Variants in MSRA observed in about 807,000 individuals in gnomAD.
MSRA encodes the protein methionine sulfoxide reductase A, also known as mitochondrial peptide methionine sulfoxide reductase.
In MSRA, 54 loss-of-function variants were observed where a neutral mutation model predicts 31.3. That is an observed-to-expected ratio of 1.73 (90% CI 1.39 to 2.17). MSRA has a LOEUF of 2.17. Among genes scored for constraint, MSRA ranks in the 30% most tolerant of loss-of-function variants. The probability of loss-of-function intolerance (pLI) is 0.00; values close to 1 mark genes in which losing one functional copy is unlikely to be tolerated. For synonymous variants in MSRA, 169 were observed against 116.5 expected, an observed-to-expected ratio of 1.45 and a Z score of -2.90; for missense variants, 507 against 300.9, an observed-to-expected ratio of 1.69 and a Z score of -5.07.
intron 5 of MSRA, among the ~76,000 whole-genome samples, chr8:10,425,550 G>T (rs1429067394): frequency 6.6e-6 from 1 of 152,242 alleles, no homozygotes; most frequent in Non-Finnish European, 1.5e-5. Context: ...TGCCTGGGAG[G>T]CCATCCTTGT....
chr8:10,276,289 G>A (rs893312385), intron 3 of MSRA, among the ~76,000 whole-genome samples: 3 of 152,202 alleles, frequency 2.0e-5, no homozygotes, highest in African/African-American at 4.8e-5. Flanking sequence ...GCCACCCAGC[G>A]AGAGTTGGTT....
At chr8:10,268,266 A>C (rs1173772858) in intron 3 of MSRA, among the ~76,000 whole-genome samples, 1 of 152,204 alleles carries the variant, frequency 6.6e-6, no homozygotes, top group East Asian at 1.9e-4. Flanking sequence ...ACAAAATGGG[A>C]ACGCTTCTTT....
At chr8:10,375,566 C>A (rs1585620712) in intron 5 of MSRA, among the ~76,000 whole-genome samples, 1 of 152,304 alleles carries the variant, frequency 6.6e-6, no homozygotes, top group African/African-American at 2.4e-5. Context: ...AACCTGTCAA[C>A]CAGCCAGGGA....
chr8:10,113,198 G>C (rs992974344), intron 1 of MSRA, among the ~76,000 whole-genome samples: 8 of 150,102 alleles, frequency 5.3e-5, no homozygotes, highest in African/African-American at 1.9e-4. Flanking sequence ...GGTGGAGACA[G>C]GATATGGTGC....
chr8:10,392,478 T>C (rs1585664693), intron 5 of MSRA, among the ~76,000 whole-genome samples: 2 of 152,176 alleles, frequency 1.3e-5, no homozygotes, highest in African/African-American at 4.8e-5. Flanking sequence ...TCCAACCTGC[T>C]CCTGCCCAGA....
chr8:10,413,600 TAAAAG>T (rs979665976), intron 5 of MSRA, among the ~76,000 whole-genome samples: 2 of 139,612 alleles, frequency 1.4e-5, no homozygotes, highest in South Asian at 4.7e-4. Flanking sequence ...CTGAAAAAAT[TAAAAG>T]AAAATGTTAG....
chr8:10,413,757 T>C (rs1009671387), intron 5 of MSRA, among the ~76,000 whole-genome samples: 3 of 151,652 alleles, frequency 2.0e-5, no homozygotes, highest in Non-Finnish European at 2.9e-5. Context: ...AGAATGAAAC[T>C]GGAAGATAAG....
At chr8:10,333,553 G>T (rs1478556298) in intron 5 of MSRA, among the ~76,000 whole-genome samples, 1 of 152,144 alleles carries the variant, frequency 6.6e-6, no homozygotes, top group African/African-American at 2.4e-5. Flanking sequence ...TTGTTGACCT[G>T]TCTAAGCCTA....
At chr8:10,331,701 G>A (rs1802712234) in intron 5 of MSRA, among the ~76,000 whole-genome samples, 1 of 152,118 alleles carries the variant, frequency 6.6e-6, no homozygotes, top group African/African-American at 2.4e-5. Flanking sequence ...ACCCTCTGAA[G>A]ATACCAAAAT....
At chr8:10,187,802 T>C (rs1807181177) in intron 1 of MSRA, among the ~76,000 whole-genome samples, 1 of 152,234 alleles carries the variant, frequency 6.6e-6, no homozygotes, top group Non-Finnish European at 1.5e-5. Context: ...ATTTCTGTCT[T>C]CAGAGGTAGT....
At chr8:10,287,761 G>T (rs1000792053) in intron 3 of MSRA, among the ~76,000 whole-genome samples, 2 of 152,120 alleles carry the variant, frequency 1.3e-5, no homozygotes, top group African/African-American at 4.8e-5. Flanking sequence ...GTGTGAAGTT[G>T]CCAAGAATAA....
At chr8:10,345,130 A>T (rs1313272525) in intron 5 of MSRA, among the ~76,000 whole-genome samples, 1 of 152,166 alleles carries the variant, frequency 6.6e-6, no homozygotes, top group Non-Finnish European at 1.5e-5. Context: ...CCCCAATTCC[A>T]AGAGCTTATC....
At chr8:10,191,128 C>T (rs914316535) in intron 1 of MSRA, among the ~76,000 whole-genome samples, 1 of 152,190 alleles carries the variant, frequency 6.6e-6, no homozygotes, top group Non-Finnish European at 1.5e-5. Flanking sequence ...AATAAATCAC[C>T]TAGCTTAATA....
At chr8:10,214,119 G>C (rs952232749) in intron 2 of MSRA, among the ~76,000 whole-genome samples, 1 of 152,104 alleles carries the variant, frequency 6.6e-6, no homozygotes, top group Non-Finnish European at 1.5e-5. Flanking sequence ...CAAGAGTGGG[G>C]AGCAAAAGCC....
At chr8:10,392,158 T>C (rs1431869308) in intron 5 of MSRA, among the ~76,000 whole-genome samples, 1 of 152,188 alleles carries the variant, frequency 6.6e-6, no homozygotes, top group Admixed American at 6.5e-5. Context: ...GCAATGAACA[T>C]GGACTTGAAA....
rs140478767 is a variant in MSRA, at chr8:10,375,360, C to T, written c.544-52788C>T. ...AAGGACAGCTGGTATGGATCTTTGGCCCTGAAGGTAGATGAAGAACCTTCA... is the reference window on the plus strand; with the variant it reads ...AAGGACAGCTGGTATGGATCTTTGGTCCTGAAGGTAGATGAAGAACCTTCA... On this transcript the variant is annotated intron_variant, in intron 5 of 5. Transcript: ENST00000317173. 2.4e-4 allele frequency among the ~76,000 whole-genome samples: 36 copies of T among 152,300 alleles called. No individual in the cohort carries two copies. In the East Asian group the frequency reaches 6.2e-3, roughly 26 times the overall value.
chr8:10,345,586 A>G (rs757303583), intron 5 of MSRA, among the ~76,000 whole-genome samples: 1 of 152,212 alleles, frequency 6.6e-6, no homozygotes, highest in Non-Finnish European at 1.5e-5. Context: ...GACTATACCA[A>G]TGGGATATAT....
intron 1 of MSRA, among the ~76,000 whole-genome samples, chr8:10,118,998 G>A (rs759000920): frequency 8.5e-5 from 13 of 152,142 alleles, no homozygotes; most frequent in Non-Finnish European, 1.8e-4. Flanking sequence ...ATGAAGGCAG[G>A]TTCTGGAGAC....
chr8:10,092,076 A>G (rs1376705490), intron 1 of MSRA, among the ~76,000 whole-genome samples: 1 of 105,920 alleles, frequency 9.4e-6, no homozygotes, highest in Non-Finnish European at 2.5e-5. Flanking sequence ...TGTGAGTTAA[A>G]GGGTCTGTAG....
Sources: allele counts gnomAD v4.1 joint callset (sites outside exome capture counted in the v4.1 genomes callset), GRCh38; gene constraint gnomAD v4.1.1; transcripts MANE v1.5; gene names NCBI Gene and HGNC (gene_info 2026-07-23, HGNC 2026-07-21).